The following SETBP1 variants were observed in gnomAD, a reference collection of about 807,000 sequenced individuals.
SETBP1 encodes SET binding protein 1, also known as SET-binding protein.
In SETBP1, 9 loss-of-function variants were observed where a neutral mutation model predicts 101.0. The observed-to-expected ratio is 0.09, with a 90% CI of 0.05 to 0.16. SETBP1 has a LOEUF of 0.16. Among genes scored for constraint, SETBP1 ranks in the 10% least tolerant of loss-of-function variants. SETBP1 has a pLI of 1.00. For synonymous variants in SETBP1, 818 were observed against 788.5 expected (o/e 1.04, Z -0.63); for missense variants, 1,858 against 2,033.8 (o/e 0.91, Z 1.66).
chr18:44,736,520 A>G (rs2069971674), intron 2 of SETBP1, among the ~76,000 whole-genome samples: 1 of 152,098 alleles, frequency 6.6e-6, no homozygotes, highest in Admixed American at 6.5e-5. Flanking sequence ...TGTCTAGAAA[A>G]CTTACCTTGA....
chr18:44,819,859 C>A (rs548362330), intron 2 of SETBP1, among the ~76,000 whole-genome samples: 1 of 152,288 alleles, frequency 6.6e-6, no homozygotes, highest in South Asian at 2.1e-4. Flanking sequence ...ACATGGACAC[C>A]TCTTGAAGAC....
At chr18:44,962,999 A>G (rs1030353323) in intron 4 of SETBP1, among the ~76,000 whole-genome samples, 2 of 152,160 alleles carry the variant, frequency 1.3e-5, no homozygotes, top group Non-Finnish European at 2.9e-5. Context: ...CTTTCATTTG[A>G]TCTTCAAAAT....
intron 2 of SETBP1, among the ~76,000 whole-genome samples, chr18:44,815,584 C>G (rs775826468): frequency 3.3e-5 from 5 of 152,166 alleles, no homozygotes; most frequent in African/African-American, 7.2e-5. Context: ...CTACTGATAC[C>G]TTTGCTATTC....
At chr18:44,938,913 A>G (rs1045880902) in intron 3 of SETBP1, among the ~76,000 whole-genome samples, 1 of 151,552 alleles carries the variant, frequency 6.6e-6, no homozygotes. Context: ...TTTCACTGGA[A>G]AGAAAAGGCC....
intron 2 of SETBP1, among the ~76,000 whole-genome samples, chr18:44,710,157 G>T (rs1259364876): frequency 6.6e-6 from 1 of 151,986 alleles, no homozygotes; most frequent in Non-Finnish European, 1.5e-5. Context: ...GAAACAATCC[G>T]TTTTTGCCTT....
chr18:45,051,645 T>C (rs1350246737), intron 5 of SETBP1, among the ~76,000 whole-genome samples: 1 of 152,162 alleles, frequency 6.6e-6, no homozygotes, highest in East Asian at 1.9e-4. Flanking sequence ...CTCTAATGTA[T>C]AATATGTGCA....
intron 2 of SETBP1, among the ~76,000 whole-genome samples, chr18:44,807,939 T>A (rs1269002953): frequency 6.6e-6 from 1 of 152,148 alleles, no homozygotes; most frequent in Admixed American, 6.5e-5. Context: ...CCAAGGAATT[T>A]GGACTTTACC....
intron 2 of SETBP1, 115 bp from the exon 3 acceptor site, chr18:44,869,115 C>A (rs1395909076): frequency 2.1e-6 from 2 of 932,916 alleles, no homozygotes; most frequent in Non-Finnish European, 1.7e-6. Context: ...TTCTGCGATC[C>A]CACTTCTGTA....
intron 2 of SETBP1, among the ~76,000 whole-genome samples, chr18:44,807,866 G>C (rs78569732): frequency 0.055 from 8,430 of 152,220 alleles, 230 homozygotes; most frequent in Middle Eastern, 0.13. Flanking sequence ...GCTTCAGGGT[G>C]GGGGAAGTGA....
At chr18:44,685,552 C>T (rs572595739) in intron 1 of SETBP1, among the ~76,000 whole-genome samples, 2 of 152,250 alleles carry the variant, frequency 1.3e-5, no homozygotes, top group Non-Finnish European at 2.9e-5. Context: ...CCCTGTACTT[C>T]CCAGTTAAAT....
At chr18:44,946,002 A>T (rs2071197533) in intron 3 of SETBP1, among the ~76,000 whole-genome samples, 1 of 152,230 alleles carries the variant, frequency 6.6e-6, no homozygotes, top group South Asian at 2.1e-4. Context: ...TGACAGCCTC[A>T]CTATTGTGAA....
chr18:44,714,319 C>G (rs1270664717), intron 2 of SETBP1, among the ~76,000 whole-genome samples: 1 of 152,120 alleles, frequency 6.6e-6, no homozygotes, highest in African/African-American at 2.4e-5. Context: ...CTGCCTCAGC[C>G]TCCTGAGTAG....
chr18:45,037,814 G>A (rs1461994197), intron 4 of SETBP1, among the ~76,000 whole-genome samples: 1 of 152,132 alleles, frequency 6.6e-6, no homozygotes, highest in Admixed American at 6.5e-5. Flanking sequence ...CCTACAGGCT[G>A]ATGACACACT....
chr18:44,926,436 C>T lies in SETBP1; in HGVS notation c.541-23445C>T, dbSNP rs373029402. Among the ~76,000 whole-genome samples the T allele has an allele frequency of 1.8e-4, 27 of 152,284 alleles. 1 individual carries two copies. In the South Asian group the frequency reaches 5.6e-3, roughly 32 times the overall value. On this transcript the variant is annotated intron_variant, in intron 3 of 5. Transcript: ENST00000649279. ...GTTAGTGCTGCATCATCAGGAAGTG[C>T]CGCAGAAAGATGTTTCCCTGACTGG...
At chr18:44,862,519 AC>A (rs1402383371) in intron 2 of SETBP1, among the ~76,000 whole-genome samples, 1 of 151,930 alleles carries the variant, frequency 6.6e-6, no homozygotes, top group Non-Finnish European at 1.5e-5. Context: ...GTCCACTGCC[AC>A]CCCCACCCCA....
intron 2 of SETBP1, among the ~76,000 whole-genome samples, chr18:44,741,993 C>T (rs36055174): frequency 6.6e-6 from 1 of 152,194 alleles, no homozygotes; most frequent in Non-Finnish European, 1.5e-5. Flanking sequence ...GTGGGTGCAG[C>T]ACGCACAGAT....
chr18:44,690,130 G>A (rs1375302170), intron 1 of SETBP1, among the ~76,000 whole-genome samples: 3 of 152,178 alleles, frequency 2.0e-5, no homozygotes, highest in South Asian at 2.1e-4. Flanking sequence ...GGGATGGGCC[G>A]CTCTGGGGAA....
chr18:45,062,994 G>T, intron 5 of SETBP1, 85 bp from the exon 6 acceptor site: 1 of 1,577,722 alleles, frequency 6.3e-7, no homozygotes, highest in Admixed American at 1.7e-5. Context: ...TTATAGCCAA[G>T]TAGAATGCTA....
Position 45,063,794 on chromosome 18 carries a change from C to A in SETBP1, c.*96C>A. ...GGCGGAATCCCCCGCTGCAGGGACA[C>A]CCACGCCCTTCTCTCCAGAAGCCGG... On this transcript the variant is annotated 3_prime_UTR_variant, in exon 6 of 6. Transcript: ENST00000649279. 7.3e-7 allele frequency: 1 copy of A among 1,369,806 alleles called. No individual in the cohort carries two copies. Among genetic ancestry groups the A allele is most frequent in the Non-Finnish European group, 1.0e-6 (1 of 1,002,820 alleles). 84.9% of individuals were successfully genotyped at this position (1,369,806 alleles called of 1,614,324 possible). A position where few individuals can be genotyped will look rare whatever the true frequency, so the allele number is the denominator to read the frequency against.
Sources: allele counts gnomAD v4.1 joint callset (sites outside exome capture counted in the v4.1 genomes callset), GRCh38; gene constraint gnomAD v4.1.1; transcripts MANE v1.5; gene names NCBI Gene and HGNC (gene_info 2026-07-23, HGNC 2026-07-21).